Variants in PIAS1 observed in about 807,000 individuals in gnomAD.
PIAS1 encodes the protein protein inhibitor of activated STAT 1.
In PIAS1, 6 loss-of-function variants were observed where a neutral mutation model predicts 71.3. The ratio of observed to expected loss-of-function variants is 0.08; its 90% CI spans 0.05 to 0.17. The LOEUF (loss-of-function observed/expected upper bound fraction) is 0.17, where lower values mean the gene tolerates loss of function less well. Ranked by LOEUF, PIAS1 falls within the 10% of genes least tolerant of loss-of-function variation. The pLI, the probability that PIAS1 is intolerant of heterozygous loss-of-function variation, is 1.00. For missense variants in PIAS1, 555 were observed against 793.6 expected, an observed-to-expected ratio of 0.70 and a Z score of 3.61; for synonymous variants, 303 against 292.9, an observed-to-expected ratio of 1.03 and a Z score of -0.35.
chr15:68,144,921 T>C (rs2092797669), intron 4 of PIAS1, among the ~76,000 whole-genome samples: 1 of 152,026 alleles, frequency 6.6e-6, no homozygotes, highest in African/African-American at 2.4e-5. Flanking sequence ...ACCGCAGGTG[T>C]TGAGAGGAGT....
intron 8 of PIAS1, among the ~76,000 whole-genome samples, chr15:68,169,578 C>G (rs141161626): frequency 2.0e-5 from 3 of 152,178 alleles, no homozygotes; most frequent in Admixed American, 2.0e-4. Context: ...GAGGCTGAGA[C>G]AGGAGAATTG....
chr15:68,142,734 C>T (rs2092780677), intron 4 of PIAS1, among the ~76,000 whole-genome samples: 1 of 146,566 alleles, frequency 6.8e-6, no homozygotes, highest in South Asian at 2.2e-4. Context: ...TGATATCTTA[C>T]AATATCATAT....
intron 2 of PIAS1, among the ~76,000 whole-genome samples, chr15:68,137,942 G>T (rs929258584): frequency 3.9e-5 from 6 of 152,030 alleles, no homozygotes; most frequent in Admixed American, 2.0e-4. Flanking sequence ...AGGCATTCCA[G>T]TTCAGCCTGG....
At chr15:68,116,389 TTAA>T (rs1373815176) in intron 2 of PIAS1, among the ~76,000 whole-genome samples, 1 of 152,126 alleles carries the variant, frequency 6.6e-6, no homozygotes, top group Non-Finnish European at 1.5e-5. Context: ...ACGCCAAATA[TTAA>T]TAATATTCTC....
intron 2 of PIAS1, among the ~76,000 whole-genome samples, chr15:68,098,219 T>A (rs553026861): frequency 6.6e-6 from 1 of 152,316 alleles, no homozygotes; most frequent in East Asian, 1.9e-4. Context: ...GCCTTACCAA[T>A]AACATAAACA....
At chr15:68,072,424 AAAAAG>A (rs1396989063) in intron 1 of PIAS1, among the ~76,000 whole-genome samples, 1 of 150,462 alleles carries the variant, frequency 6.6e-6, no homozygotes, top group Admixed American at 6.6e-5. Flanking sequence ...AAAAAAAAAA[AAAAAG>A]AGTTATGGGA....
chr15:68,147,464 T>A (rs2092816157), intron 6 of PIAS1, among the ~76,000 whole-genome samples: 1 of 152,194 alleles, frequency 6.6e-6, no homozygotes, highest in African/African-American at 2.4e-5. Flanking sequence ...AACTTAACTC[T>A]GTTTCATGTT....
chr15:68,101,188 C>T (rs1293921742), intron 2 of PIAS1, among the ~76,000 whole-genome samples: 2 of 152,140 alleles, frequency 1.3e-5, no homozygotes, highest in African/African-American at 4.8e-5. Flanking sequence ...GTGTGAGCCA[C>T]CGTGGCTGGC....
At chr15:68,183,984 T>C (rs1428758593) in intron 13 of PIAS1, 1 of 181,514 alleles carries the variant, frequency 5.5e-6, no homozygotes, top group African/African-American at 2.4e-5. Flanking sequence ...TTTATTGTTA[T>C]TTTAGAGTGT....
intron 12 of PIAS1, among the ~76,000 whole-genome samples, chr15:68,183,078 T>A (rs2093065791): frequency 6.6e-6 from 1 of 152,236 alleles, no homozygotes; most frequent in Admixed American, 6.5e-5. Flanking sequence ...CTACTCCTTC[T>A]TATGTAATAG....
intron 2 of PIAS1, among the ~76,000 whole-genome samples, chr15:68,127,738 CTTTTGTTTTCA>C (rs1457509504): frequency 2.6e-5 from 4 of 151,786 alleles, no homozygotes; most frequent in African/African-American, 9.7e-5. Flanking sequence ...CACTTTTTTC[CTTTTGTTTTCA>C]TTTTATTTTA....
intron 2 of PIAS1, among the ~76,000 whole-genome samples, chr15:68,104,616 G>A (rs917841774): frequency 1.3e-5 from 2 of 152,142 alleles, no homozygotes; most frequent in Non-Finnish European, 2.9e-5. Context: ...AGGTAGTGAT[G>A]ATGGTGGTTA....
chr15:68,114,125 A>G (rs1214723947), intron 2 of PIAS1, among the ~76,000 whole-genome samples: 1 of 152,088 alleles, frequency 6.6e-6, no homozygotes, highest in Non-Finnish European at 1.5e-5. Context: ...TATAAAAACA[A>G]TACATATGCT....
chr15:68,126,073 A>G (rs895102962), intron 2 of PIAS1, among the ~76,000 whole-genome samples: 3 of 152,018 alleles, frequency 2.0e-5, no homozygotes, highest in Non-Finnish European at 4.4e-5. Flanking sequence ...TTTTATGTGC[A>G]GTGTTCTGAA....
At chr15:68,111,580 T>A (rs573116963) in intron 2 of PIAS1, among the ~76,000 whole-genome samples, 1 of 152,194 alleles carries the variant, frequency 6.6e-6, no homozygotes, top group Non-Finnish European at 1.5e-5. Context: ...TTAACACTAA[T>A]ATCAAAATGG....
At chr15:68,122,757 A>G (rs956278203) in intron 2 of PIAS1, among the ~76,000 whole-genome samples, 1 of 152,206 alleles carries the variant, frequency 6.6e-6, no homozygotes, top group African/African-American at 2.4e-5. Flanking sequence ...CAGAAGTGAT[A>G]TGATCAGCAC....
intron 2 of PIAS1, among the ~76,000 whole-genome samples, chr15:68,138,901 T>C (rs148769346): frequency 1.3e-3 from 194 of 152,268 alleles, no homozygotes; most frequent in Non-Finnish European, 2.4e-3. Context: ...GGGAGGGGCA[T>C]ATTAAGTCTC....
In PIAS1 at chr15:68,079,819, A is replaced by T. The variant is rs146089189; in HGVS notation, c.25-6487A>T. ...AAATATTGTACTCCAATGTTATAAC[A>T]TTCTGAGTTGGATTTGTTATTTATT... On this transcript the variant is annotated intron_variant, in intron 1 of 13. Transcript: ENST00000249636. Among the ~76,000 whole-genome samples, 40 of 151,646 alleles carry T rather than the reference A, an allele frequency of 2.6e-4. 1 individual carries two copies. In the East Asian group the frequency reaches 3.3e-3, roughly 13 times the overall value.
Position 68,054,569 on chromosome 15 carries a change from C to G in PIAS1, c.24+219C>G. On this transcript the variant is annotated intron_variant, in intron 1 of 13. Coordinates refer to ENST00000249636, the MANE Select transcript of PIAS1 (RefSeq NM_016166.3). The surrounding 1 kb of genome is among the most constrained non-coding windows in gnomAD (Gnocchi z 4.6). ...GGGGGCGCTGACGGGTCGTCCCCGG[C>G]GTGTTATTGTTGTGGGCGCCTCTGG... The G allele has an allele frequency of 2.4e-6, 1 of 424,840 alleles. No individual in the cohort carries two copies. Among genetic ancestry groups the G allele is most frequent in the Non-Finnish European group, 4.2e-6 (1 of 238,768 alleles). 26.3% of individuals were successfully genotyped at this position (424,840 alleles called of 1,614,324 possible). A position where few individuals can be genotyped will look rare whatever the true frequency, so the allele number is the denominator to read the frequency against.
Sources: gnomAD v4.1 joint callset for allele counts (sites outside exome capture counted in the v4.1 genomes callset) on GRCh38, gnomAD v4.1.1 for gene constraint, Gnocchi (gnomAD v3.1) non-coding constraint, MANE v1.5 for transcripts, NCBI Gene and HGNC (gene_info 2026-07-23, HGNC 2026-07-21) for gene names.